The following ACOX3 variants were observed in gnomAD, a reference collection of about 807,000 sequenced individuals.
ACOX3 encodes acyl-CoA oxidase 3, pristanoyl, also known as peroxisomal acyl-coenzyme A oxidase 3.
A neutral mutation model predicts 81.5 loss-of-function variants in ACOX3; 73 were observed. That is an observed-to-expected ratio of 0.90 (90% CI 0.74 to 1.09). The LOEUF is 1.09. Ranked by LOEUF, ACOX3 falls within the 50% of genes least tolerant of loss-of-function variation. The probability of loss-of-function intolerance (pLI) is 0.00; values close to 1 mark genes in which losing one functional copy is unlikely to be tolerated. For missense variants in ACOX3, 947 were observed against 928.0 expected (o/e 1.02, Z -0.27); for synonymous variants, 387 against 375.1 (o/e 1.03, Z -0.37).
intron 1 of ACOX3, among the ~76,000 whole-genome samples, chr4:8,427,567 T>C (rs1028094364): frequency 6.6e-6 from 1 of 152,238 alleles, no homozygotes; most frequent in South Asian, 2.1e-4. Flanking sequence ...GGGTTCATCC[T>C]AATTGAGGTG....
intron 16 of ACOX3, among the ~76,000 whole-genome samples, chr4:8,371,562 T>C (rs1716201029): frequency 1.3e-5 from 2 of 152,214 alleles, no homozygotes; most frequent in African/African-American, 2.4e-5. Context: ...TAAAATATGA[T>C]GAAATGCCGT....
rs770582936 is a variant in ACOX3, at chr4:8,396,951, C to T, written c.1042G>A (p.Glu348Lys). Residue 348 changes from glutamate to lysine, a missense_variant, in exon 9 of 18, where the codon GAG becomes AAG. Transcript: ENST00000356406. ...PTEEEEIPVL[E>K]YPMQQWRLLP... ...AAACCTCATACCTGCATTGGATACT[C>T]AAGCACTGGTATTTCCTCCTCCTCT... is the stretch of plus-strand genomic sequence containing the variant. 4.3e-6 allele frequency: 7 copies of T among 1,611,644 alleles called. No individual in the cohort carries two copies. Among genetic ancestry groups the T allele is most frequent in the South Asian group, 1.1e-5 (1 of 90,488 alleles).
intron 14 of ACOX3, among the ~76,000 whole-genome samples, chr4:8,379,840 C>T (rs964178824): frequency 1.3e-5 from 2 of 152,210 alleles, no homozygotes; most frequent in Non-Finnish European, 2.9e-5. Context: ...TGCTGGAGTG[C>T]AGTGATGTGA....
In ACOX3 at chr4:8,431,145, C is replaced by T. The variant is rs1723928517; in HGVS notation, c.-15+9503G>A. 6.6e-6 allele frequency among the ~76,000 whole-genome samples: 1 copy of T among 152,192 alleles called. No individual in the cohort carries two copies. The highest frequency in any genetic ancestry group is 1.9e-4 in the East Asian group (1 of 5,194). On this transcript the variant is annotated intron_variant, in intron 1 of 17. Transcript: ENST00000356406. This position sits in a 1 kb window ranked among gnomAD's most constrained non-coding sequence, Gnocchi z 5.3. The stretch of plus-strand genomic sequence containing the variant: ...AGAAAACAAAGCACAGGTTTCCAGC[C>T]TTGGCCAGGTCCTCAGGCTCCCCTC...
At position 8,367,207 on chromosome 4, in the gene ACOX3, C is replaced by T. The variant is rs537464586; in HGVS notation, c.1984-127G>A. On this transcript the variant is annotated intron_variant, in intron 17 of 17. Transcript: ENST00000356406. ...AAAACACAGGAAATTCGGCTGGGCA[C>T]AGTGGCTCACGCCCGTAATCCCAGC... The T allele has an allele frequency of 3.7e-3, 4,646 of 1,272,380 alleles. 12 individuals are homozygous for T. The highest frequency in any genetic ancestry group is 4.4e-3 in the Non-Finnish European group (4,086 of 936,526). 78.8% of individuals were successfully genotyped at this position (1,272,380 alleles called of 1,614,324 possible). A position where few individuals can be genotyped will look rare whatever the true frequency, so the allele number is the denominator to read the frequency against.
intron 5 of ACOX3, among the ~76,000 whole-genome samples, chr4:8,410,962 G>A (rs935501033): frequency 6.6e-6 from 1 of 152,264 alleles, no homozygotes; most frequent in Non-Finnish European, 1.5e-5. Context: ...TAGAAGGGGT[G>A]TGGACAGATC....
chr4:8,420,758 A>T (rs143932518), intron 1 of ACOX3, among the ~76,000 whole-genome samples: 2 of 152,244 alleles, frequency 1.3e-5, no homozygotes, highest in African/African-American at 4.8e-5. Context: ...ACCACTGCTG[A>T]TCATCGCCAT....
At position 8,384,256 on chromosome 4, in the gene ACOX3, T is replaced by A. The variant is rs1326365583; in HGVS notation, c.1538-2649A>T. On this transcript the variant is annotated intron_variant, in intron 13 of 17. Coordinates refer to ENST00000356406, the MANE Select transcript of ACOX3 (RefSeq NM_003501.3). The surrounding 1 kb of genome is among the most constrained non-coding windows in gnomAD (Gnocchi z 5.3). ...CTTACACTCTACTTTTGGTTCTTGG[T>A]TTTTCGTGAAAAAATAAATCATGTC... is the stretch of plus-strand genomic sequence containing the variant. Among the ~76,000 whole-genome samples, 1 of 152,158 alleles carries A rather than the reference T, an allele frequency of 6.6e-6. No individual in the cohort carries two copies. Among genetic ancestry groups the A allele is most frequent in the Non-Finnish European group, 1.5e-5 (1 of 68,032 alleles).
At chr4:8,393,224 GC>G (rs1719229084) in intron 10 of ACOX3, 1 of 151,742 alleles carries the variant, frequency 6.6e-6, no homozygotes, top group Non-Finnish European at 1.5e-5. Flanking sequence ...AGTGGCTCAC[GC>G]CTATAATGCC....
At chr4:8,396,821 G>A in intron 9 of ACOX3, 116 bp downstream of exon 9, 1 of 1,238,454 alleles carries the variant, frequency 8.1e-7, no homozygotes, top group African/African-American at 1.6e-5. Context: ...TAATCATCCT[G>A]TTAATTGCCT....
At chr4:8,398,438 C>T (rs553783009) in intron 8 of ACOX3, among the ~76,000 whole-genome samples, 1 of 152,278 alleles carries the variant, frequency 6.6e-6, no homozygotes, top group African/African-American at 2.4e-5. Context: ...CTTCCCCTCT[C>T]ATTTAGAGAC....
chr4:8,360,838 T>C, the ACOX3 span, among the ~76,000 whole-genome samples: 4 of 152,158 alleles, frequency 2.6e-5, no homozygotes, highest in Non-Finnish European at 2.9e-5. Flanking sequence ...CAGGGACATG[T>C]GGAGTTAGCC....
intron 5 of ACOX3, among the ~76,000 whole-genome samples, chr4:8,412,720 C>G (rs1721860362): frequency 1.3e-5 from 2 of 152,068 alleles, no homozygotes; most frequent in Admixed American, 1.3e-4. Flanking sequence ...GCCTCAGGGA[C>G]AAGCGGAGGC....
intron 15 of ACOX3, chr4:8,374,707 A>G (rs1209583226): frequency 1.1e-5 from 4 of 362,838 alleles, no homozygotes; most frequent in African/African-American, 8.2e-5. Context: ...AGAGCCCGGC[A>G]GGCTGCCTGG....
In ACOX3 at chr4:8,440,677, G is replaced by A. The variant is rs528838106; in HGVS notation, c.-44C>T. Reference sequence around the variant, plus strand: ...ACACTCCACAGTTCAACCCCTGCCAGGGAAACCAAAAGCAGGAAAGGATCT... The same window carrying A: ...ACACTCCACAGTTCAACCCCTGCCAAGGAAACCAAAAGCAGGAAAGGATCT... On this transcript the variant is annotated 5_prime_UTR_variant, in exon 1 of 18. Transcript: ENST00000356406. 16 of 1,075,478 alleles carry A rather than the reference G, an allele frequency of 1.5e-5. No individual in the cohort carries two copies. The highest frequency in any genetic ancestry group is 1.2e-4 in the South Asian group (6 of 51,584). The allele number at this position is 1,075,478 out of a possible 1,614,324, so 66.6% of individuals were successfully genotyped here.
intron 1 of ACOX3, among the ~76,000 whole-genome samples, chr4:8,429,661 G>A (rs1045736548): frequency 1.3e-5 from 2 of 152,208 alleles, no homozygotes; most frequent in African/African-American, 2.4e-5. Context: ...GTTAATTCAG[G>A]TGGAAACAAG....
Position 8,366,772 on chromosome 4 carries a change from T to G in ACOX3, c.*189A>C, listed in dbSNP as rs1715496922. 1.6e-6 allele frequency: 1 copy of G among 623,330 alleles called. No individual in the cohort carries two copies. Among genetic ancestry groups the G allele is most frequent in the African/African-American group, 1.8e-5 (1 of 54,362 alleles). The allele number at this position is 623,330 out of a possible 1,614,324, so 38.6% of individuals were successfully genotyped here. ...GCTGCAAATCACCGCGATCCCAGATTAGTCCAGCCGGCCGGGTGCCTCCCT... is the reference window on the plus strand; with the variant it reads ...GCTGCAAATCACCGCGATCCCAGATGAGTCCAGCCGGCCGGGTGCCTCCCT... On this transcript the variant is annotated 3_prime_UTR_variant, in exon 18 of 18. Transcript: ENST00000356406.
chr4:8,360,619 C>T, the ACOX3 span, among the ~76,000 whole-genome samples: 3 of 151,930 alleles, frequency 2.0e-5, no homozygotes, highest in African/African-American at 7.3e-5. Flanking sequence ...CTACAGGCAC[C>T]CGCCACCACG....
In ACOX3 at chr4:8,416,465, C is replaced by A; in HGVS notation, c.57G>T (p.Gly19=). 1.2e-6 allele frequency: 2 copies of A among 1,613,982 alleles called. No individual in the cohort carries two copies. Among genetic ancestry groups the A allele is most frequent in the Non-Finnish European group, 1.7e-6 (2 of 1,179,910 alleles). ...CTCTTGCTCGGTAGGCATCGAGGGG[C>A]CCCCTGGGGAATTCTGGGAGCAGAG... ...DTALLPEFPR[G]PLDAYRARAS... Residue 19 remains glycine, a synonymous_variant, in exon 2 of 18, where the codon GGG becomes GGT. Coordinates refer to ENST00000356406, the MANE Select transcript of ACOX3 (RefSeq NM_003501.3). The surrounding 1 kb of genome is among the most constrained non-coding windows in gnomAD (Gnocchi z 4.2).
Sources: allele counts gnomAD v4.1 joint callset (sites outside exome capture counted in the v4.1 genomes callset), GRCh38; gene constraint gnomAD v4.1.1; non-coding constraint Gnocchi (gnomAD v3.1); transcripts MANE v1.5; gene names NCBI Gene and HGNC (gene_info 2026-07-23, HGNC 2026-07-21).